Variants in PARD3 observed in about 807,000 individuals in gnomAD.
PARD3 encodes the protein partitioning defective 3 homolog.
Under a neutral mutation model 155.4 loss-of-function variants are expected in PARD3, and 75 were observed. The observed-to-expected ratio is 0.48, with a 90% CI of 0.40 to 0.58. The LOEUF (loss-of-function observed/expected upper bound fraction) is 0.58. PARD3 is among the 20% of genes least tolerant of loss of function. PARD3 has a pLI of 0.00. For synonymous variants in PARD3, 576 were observed against 610.5 expected (o/e 0.94, Z 0.83); for missense variants, 1,642 against 1,721.7 (o/e 0.95, Z 0.82).
intron 2 of PARD3, among the ~76,000 whole-genome samples, chr10:34,658,422 C>A (rs868683645): frequency 6.6e-6 from 1 of 152,032 alleles, no homozygotes; most frequent in East Asian, 1.9e-4. Context: ...CTGCAGCACA[C>A]CTACCACCCG....
At chr10:34,776,842 G>A (rs1338191715) in intron 1 of PARD3, among the ~76,000 whole-genome samples, 2 of 129,144 alleles carry the variant, frequency 1.5e-5, no homozygotes, top group East Asian at 2.7e-4. Context: ...TTGTGGGGGG[G>A]GGGGGCGGGT....
intron 1 of PARD3, among the ~76,000 whole-genome samples, chr10:34,796,654 A>G (rs1401568839): frequency 2.0e-5 from 3 of 152,238 alleles, no homozygotes; most frequent in African/African-American, 7.2e-5. Flanking sequence ...AGTATTTCAA[A>G]GAACTGCACT....
chr10:34,687,891 G>A (rs576746453), intron 2 of PARD3, among the ~76,000 whole-genome samples: 8 of 103,894 alleles, frequency 7.7e-5, no homozygotes, highest in East Asian at 6.3e-4. Flanking sequence ...GTCTCACTCT[G>A]TTGCCCAAGC....
chr10:34,718,662 T>G (rs2094558485), intron 1 of PARD3, among the ~76,000 whole-genome samples: 1 of 147,716 alleles, frequency 6.8e-6, no homozygotes, highest in Non-Finnish European at 1.5e-5. Flanking sequence ...CTACTCTATC[T>G]CAAAAATAAA....
intron 3 of PARD3, among the ~76,000 whole-genome samples, chr10:34,485,142 A>C (rs368249162): frequency 2.0e-5 from 3 of 152,182 alleles, no homozygotes; most frequent in East Asian, 3.9e-4. Flanking sequence ...GTTCGAGACC[A>C]GTGTGACCAA....
intron 20 of PARD3, among the ~76,000 whole-genome samples, chr10:34,296,289 T>A (rs1007759627): frequency 5.3e-5 from 8 of 152,012 alleles, no homozygotes; most frequent in Admixed American, 5.2e-4. Context: ...TGGAGTGCAG[T>A]GGTGCAATCA....
intron 3 of PARD3, among the ~76,000 whole-genome samples, chr10:34,510,494 T>C (rs972267204): frequency 6.6e-6 from 1 of 152,226 alleles, no homozygotes; most frequent in Non-Finnish European, 1.5e-5. Flanking sequence ...ATATTAATAA[T>C]CACACAGTAC....
chr10:34,385,980 C>T (rs889403141), intron 7 of PARD3, among the ~76,000 whole-genome samples: 2 of 152,148 alleles, frequency 1.3e-5, no homozygotes, highest in Admixed American at 1.3e-4. Flanking sequence ...ATTCTTTCTT[C>T]ATGAAAGTAT....
In PARD3 at chr10:34,457,173, T is replaced by C. The variant is rs115576542; in HGVS notation, c.583-6725A>G. Reference sequence around the variant, plus strand: ...AGGAGTATGGATCTGTATCAGGCTATGAACATAAAGGGATCCAATATGAAA... The same window carrying C: ...AGGAGTATGGATCTGTATCAGGCTACGAACATAAAGGGATCCAATATGAAA... On this transcript the variant is annotated intron_variant, in intron 4 of 24. Transcript: ENST00000374788. 9.3e-3 allele frequency among the ~76,000 whole-genome samples: 1,417 copies of C among 152,202 alleles called. 28 individuals carry two copies. The highest frequency in any genetic ancestry group is 0.033 in the African/African-American group (1,356 of 41,516).
chr10:34,768,788 G>C lies in PARD3; in HGVS notation c.120+46088C>G, dbSNP rs1020039053. 3.3e-4 allele frequency among the ~76,000 whole-genome samples: 50 copies of C among 152,190 alleles called. 1 individual carries two copies. The highest frequency in any genetic ancestry group is 1.9e-4 in the East Asian group (1 of 5,184). Reference sequence around the variant, plus strand: ...GAGCCAGGCAAATGGCTTGGTCCTTGGCTGCCAGCCCTGGCTGAAGCCCTG... The same window carrying C: ...GAGCCAGGCAAATGGCTTGGTCCTTCGCTGCCAGCCCTGGCTGAAGCCCTG... On this transcript the variant is annotated intron_variant, in intron 1 of 24. Coordinates refer to ENST00000374788, the MANE Select transcript of PARD3 (RefSeq NM_001184785.2).
rs16935343 is a variant in PARD3 at position 34,370,303 on chromosome 10, C to T, written c.1707+2195G>A. The stretch of plus-strand genomic sequence containing the variant: ...ACCATGTCATGCTACCATAAACACA[C>T]AGGTTGTGAACTGAAATGCAGCTTG... On this transcript the variant is annotated intron_variant, in intron 12 of 24. Transcript: ENST00000374788. 9.0e-3 allele frequency among the ~76,000 whole-genome samples: 1,375 copies of T among 152,272 alleles called. 20 individuals carry two copies. The highest frequency in any genetic ancestry group is 0.031 in the African/African-American group (1,307 of 41,546).
At chr10:34,113,722 C>T (rs573364133) in intron 24 of PARD3, among the ~76,000 whole-genome samples, 4 of 152,234 alleles carry the variant, frequency 2.6e-5, no homozygotes, top group South Asian at 2.1e-4. Flanking sequence ...CTTAGAGCAA[C>T]GTAGATTCAA....
intron 2 of PARD3, among the ~76,000 whole-genome samples, chr10:34,573,733 AAAAACACAC>A (rs1564367830): frequency 0.24 from 28,660 of 117,270 alleles, 3,146 homozygotes; most frequent in East Asian, 0.31. Flanking sequence ...ACAAACAAAC[AAAAACACAC>A]ACACACACAC....
chr10:34,730,602 G>A (rs1180199109), intron 1 of PARD3, among the ~76,000 whole-genome samples: 1 of 152,014 alleles, frequency 6.6e-6, no homozygotes. Flanking sequence ...TGGCCAATAC[G>A]GCAAGCCATC....
At chr10:34,213,534 T>G (rs1260421000) in intron 22 of PARD3, among the ~76,000 whole-genome samples, 1 of 152,170 alleles carries the variant, frequency 6.6e-6, no homozygotes, top group East Asian at 1.9e-4. Context: ...TACATTCCAC[T>G]CAGGCCTGGA....
At chr10:34,603,384 G>A (rs919206217) in intron 2 of PARD3, among the ~76,000 whole-genome samples, 10 of 152,180 alleles carry the variant, frequency 6.6e-5, no homozygotes, top group Admixed American at 5.9e-4. Context: ...AGGGGTTAAT[G>A]TTCTTTGCCC....
At chr10:34,649,173 C>T (rs2092932819) in intron 2 of PARD3, among the ~76,000 whole-genome samples, 1 of 152,266 alleles carries the variant, frequency 6.6e-6, no homozygotes, top group African/African-American at 2.4e-5. Context: ...GGCTTGGGCA[C>T]AGGACTCACA....
chr10:34,326,206 T>A (rs1200506648), intron 19 of PARD3, among the ~76,000 whole-genome samples: 1 of 152,086 alleles, frequency 6.6e-6, no homozygotes, highest in African/African-American at 2.4e-5. Flanking sequence ...TTGCACTTTC[T>A]GCTAAGTTAC....
intron 12 of PARD3, among the ~76,000 whole-genome samples, chr10:34,371,694 T>C (rs1250562331): frequency 6.6e-6 from 1 of 152,060 alleles, no homozygotes; most frequent in Non-Finnish European, 1.5e-5. Context: ...CATTACCTAC[T>C]ATGGAAATGA....
Sources: gnomAD v4.1 joint callset for allele counts (sites outside exome capture counted in the v4.1 genomes callset) on GRCh38, gnomAD v4.1.1 for gene constraint, MANE v1.5 for transcripts, NCBI Gene and HGNC (gene_info 2026-07-23, HGNC 2026-07-21) for gene names.